The following PLXNA4 variants were observed in gnomAD, a reference collection of about 807,000 sequenced individuals.
PLXNA4 encodes plexin A4, also known as plexin-A4.
In PLXNA4, 44 loss-of-function variants were observed where a neutral mutation model predicts 191.8. The observed-to-expected ratio is 0.23, with a 90% CI of 0.18 to 0.29. The LOEUF is 0.29. Among genes scored for constraint, PLXNA4 ranks in the 10% least tolerant of loss-of-function variants. The pLI, the probability that PLXNA4 is intolerant of heterozygous loss-of-function variation, is 1.00. For synonymous variants in PLXNA4, 1,082 were observed against 1,009.5 expected, an observed-to-expected ratio of 1.07 and a Z score of -1.36; for missense variants, 1,800 against 2,488.8, an observed-to-expected ratio of 0.72 and a Z score of 5.89.
chr7:132,570,464 G>A (rs1228313431), intron 1 of PLXNA4, among the ~76,000 whole-genome samples: 1 of 152,140 alleles, frequency 6.6e-6, no homozygotes, highest in Admixed American at 6.5e-5. Flanking sequence ...GGAATGATTG[G>A]TTCACCTTCT....
At chr7:132,559,950 AG>A (rs1800965052) in intron 1 of PLXNA4, among the ~76,000 whole-genome samples, 1 of 152,164 alleles carries the variant, frequency 6.6e-6, no homozygotes, top group South Asian at 2.1e-4. Flanking sequence ...GAACCTGGAG[AG>A]GGGCTGCCCC....
intron 3 of PLXNA4, among the ~76,000 whole-genome samples, chr7:132,365,358 T>TGCGCGCGC (rs1554424500): frequency 2.5e-4 from 33 of 133,646 alleles, no homozygotes; most frequent in South Asian, 9.7e-4. Context: ...TGTGTGTGTG[T>TGCGCGCGC]GTGCGTGCGC....
intron 1 of PLXNA4, among the ~76,000 whole-genome samples, chr7:132,526,860 T>A (rs1334147630): frequency 6.6e-6 from 1 of 152,058 alleles, no homozygotes; most frequent in African/African-American, 2.4e-5. Context: ...CTTTAAGGGG[T>A]CTTGAGGGTC....
intron 3 of PLXNA4, among the ~76,000 whole-genome samples, chr7:132,414,526 GA>G (rs1794585934): frequency 6.6e-6 from 1 of 151,974 alleles, no homozygotes; most frequent in Non-Finnish European, 1.5e-5. Flanking sequence ...AGGGAGGGGA[GA>G]AAAAAATATC....
intron 2 of PLXNA4, among the ~76,000 whole-genome samples, chr7:132,611,756 A>AT (rs1443357654): frequency 1.3e-5 from 2 of 152,228 alleles, no homozygotes; most frequent in Non-Finnish European, 2.9e-5. Context: ...GAACCAGTAG[A>AT]AAGGGCCCTG....
At chr7:132,204,180 C>A (rs894790032) in intron 10 of PLXNA4, among the ~76,000 whole-genome samples, 1 of 152,196 alleles carries the variant, frequency 6.6e-6, no homozygotes, top group Non-Finnish European at 1.5e-5. Flanking sequence ...GGGTCCTGCT[C>A]CCCTACCTGG....
intron 3 of PLXNA4, among the ~76,000 whole-genome samples, chr7:132,456,528 G>A (rs941042060): frequency 3.3e-5 from 5 of 152,200 alleles, no homozygotes; most frequent in Non-Finnish European, 7.3e-5. Context: ...CTAATCAACC[G>A]GGTCTGGACA....
chr7:132,357,563 G>A lies in PLXNA4; in HGVS notation c.1372-59341C>T, dbSNP rs186613460. On this transcript the variant is annotated intron_variant, in intron 3 of 31. Coordinates refer to ENST00000321063, the MANE Select transcript of PLXNA4 (RefSeq NM_020911.2). ...ACCAAGATGCCAAAATACCTGCATG[G>A]CAGCGTGTTGTCTTTCCCCTGGTTG... 1.3e-3 allele frequency among the ~76,000 whole-genome samples: 194 copies of A among 152,310 alleles called. 1 individual carries two copies. The highest frequency in any genetic ancestry group is 4.2e-3 in the African/African-American group (176 of 41,570).
At position 132,489,282 on chromosome 7, in the gene PLXNA4, T is replaced by G. The variant is rs1411090311; in HGVS notation, c.1371+10A>C. On this transcript the variant is annotated intron_variant, in intron 3 of 31. Coordinates refer to ENST00000321063, the MANE Select transcript of PLXNA4 (RefSeq NM_020911.2). ...TCACAGTAACCAAAAGTACTGCACC[T>G]CATTCCTACCTTCTTCAGCTTGCCA... The G allele has an allele frequency of 6.3e-7, 1 of 1,579,274 alleles. No homozygotes were observed. The highest frequency in any genetic ancestry group is 1.7e-5 in the Admixed American group (1 of 59,502).
At chr7:132,205,448 T>C (rs1434341742) in intron 10 of PLXNA4, among the ~76,000 whole-genome samples, 1 of 152,062 alleles carries the variant, frequency 6.6e-6, no homozygotes, top group Admixed American at 6.5e-5. Flanking sequence ...ACTGCCCCAG[T>C]GGAGGGAGAA....
intron 3 of PLXNA4, among the ~76,000 whole-genome samples, chr7:132,397,248 T>C (rs1793805722): frequency 1.3e-5 from 2 of 152,234 alleles, no homozygotes; most frequent in African/African-American, 4.8e-5. Context: ...TCTGATGCAA[T>C]TCTGGATTGT....
At chr7:132,322,109 C>T (rs779990093) in intron 3 of PLXNA4, among the ~76,000 whole-genome samples, 10 of 151,298 alleles carry the variant, frequency 6.6e-5, no homozygotes, top group Non-Finnish European at 1.2e-4. Flanking sequence ...TGCAGGCACT[C>T]GGGTCTGAGA....
chr7:132,347,019 A>G (rs972273281), intron 3 of PLXNA4, among the ~76,000 whole-genome samples: 2 of 152,248 alleles, frequency 1.3e-5, no homozygotes, highest in Non-Finnish European at 2.9e-5. Flanking sequence ...ATGATAAAAT[A>G]TAAATAACAT....
At chr7:132,492,211 C>T (rs543872695) in intron 2 of PLXNA4, among the ~76,000 whole-genome samples, 1 of 152,144 alleles carries the variant, frequency 6.6e-6, no homozygotes, top group Non-Finnish European at 1.5e-5. Context: ...CACAGTTCCC[C>T]ACCACCTCTG....
intron 3 of PLXNA4, among the ~76,000 whole-genome samples, chr7:132,442,119 C>T (rs115599581): frequency 1.3e-5 from 2 of 152,160 alleles, no homozygotes; most frequent in Non-Finnish European, 2.9e-5. Flanking sequence ...TCTCACGTGG[C>T]CTTCAGGGAC....
At chr7:132,163,997 C>T (rs1401199195) in intron 24 of PLXNA4, 145 bp downstream of exon 24, 34 of 1,328,030 alleles carry the variant, frequency 2.6e-5, no homozygotes, top group Admixed American at 2.4e-4. Flanking sequence ...ATGGACACAG[C>T]GGGAGCACCT....
intron 1 of PLXNA4, among the ~76,000 whole-genome samples, chr7:132,525,578 C>T (rs1039018163): frequency 6.6e-6 from 1 of 152,120 alleles, no homozygotes; most frequent in African/African-American, 2.4e-5. Flanking sequence ...GCACCAGAAA[C>T]TTCTGGGTTT....
At chr7:132,645,671 G>A (rs967804651) in intron 2 of PLXNA4, among the ~76,000 whole-genome samples, 1 of 152,202 alleles carries the variant, frequency 6.6e-6, no homozygotes, top group Non-Finnish European at 1.5e-5. Flanking sequence ...TAGAGTTGTT[G>A]AATGCATAAA....
intron 31 of PLXNA4, among the ~76,000 whole-genome samples, chr7:132,132,428 TTC>T (rs747334420): frequency 3.2e-4 from 26 of 82,364 alleles, no homozygotes; most frequent in African/African-American, 1.1e-3. Flanking sequence ...TTCTGTTCTG[TTC>T]TGTTCTGTTC....
Sources: gnomAD v4.1 joint callset for allele counts (sites outside exome capture counted in the v4.1 genomes callset) on GRCh38, gnomAD v4.1.1 for gene constraint, MANE v1.5 for transcripts, NCBI Gene and HGNC (gene_info 2026-07-23, HGNC 2026-07-21) for gene names.